OLFM3: variants seen among roughly 807,000 people sequenced by gnomAD.
OLFM3 encodes olfactomedin 3.
OLFM3 carries 20 observed loss-of-function variants against 48.6 expected under a neutral mutation model. That is an observed-to-expected ratio of 0.41 (90% CI 0.29 to 0.60). The LOEUF (loss-of-function observed/expected upper bound fraction) is 0.60, where lower values mean the gene tolerates loss of function less well. OLFM3 is among the 20% of genes least tolerant of loss of function. The pLI, the probability that OLFM3 is intolerant of heterozygous loss-of-function variation, is 0.28. For missense variants in OLFM3, 437 were observed against 544.3 expected (o/e 0.80, Z 1.96); for synonymous variants, 222 against 198.1 (o/e 1.12, Z -1.01).
chr1:101,930,554 G>T (rs938378218), intron 1 of OLFM3, among the ~76,000 whole-genome samples: 1 of 152,154 alleles, frequency 6.6e-6, no homozygotes, highest in Non-Finnish European at 1.5e-5. Flanking sequence ...ATTAATTCAT[G>T]AAGAAGTATG....
chr1:101,924,886 T>C (rs1279171293), intron 1 of OLFM3, among the ~76,000 whole-genome samples: 1 of 152,166 alleles, frequency 6.6e-6, no homozygotes, highest in Non-Finnish European at 1.5e-5. Flanking sequence ...TGAAAATTCA[T>C]AGATGAATAA....
intron 1 of OLFM3, chr1:101,882,490 C>T (rs957780629): frequency 4.6e-5 from 7 of 151,790 alleles, no homozygotes; most frequent in African/African-American, 1.7e-4. Flanking sequence ...AAACCCAACT[C>T]AGTATAGGTT....
intron 3 of OLFM3, among the ~76,000 whole-genome samples, chr1:101,829,598 C>A (rs1655045373): frequency 6.6e-6 from 1 of 152,222 alleles, no homozygotes; most frequent in African/African-American, 2.4e-5. Flanking sequence ...ATGTTCCTCA[C>A]TAGCTCCCCA....
intron 1 of OLFM3, among the ~76,000 whole-genome samples, chr1:101,842,198 G>C (rs773405104): frequency 2.4e-4 from 37 of 152,202 alleles, no homozygotes; most frequent in Non-Finnish European, 4.7e-4. Context: ...AACTATAAAA[G>C]CAAAAATAAT....
chr1:101,854,444 G>T (rs998698302), intron 1 of OLFM3, among the ~76,000 whole-genome samples: 1 of 152,030 alleles, frequency 6.6e-6, no homozygotes, highest in African/African-American at 2.4e-5. Context: ...AAGCCCGGGG[G>T]ATCCTCCGTT....
chr1:101,811,698 A>G (rs1204333430), intron 4 of OLFM3, among the ~76,000 whole-genome samples: 2 of 152,162 alleles, frequency 1.3e-5, no homozygotes, highest in Non-Finnish European at 2.9e-5. Flanking sequence ...CAGCTGCTGG[A>G]GGGGATGTGG....
chr1:101,871,285 C>T (rs145945394), intron 1 of OLFM3, among the ~76,000 whole-genome samples: 3,016 of 152,004 alleles, frequency 0.02, 110 homozygotes, highest in African/African-American at 0.068. Context: ...TAACAAAATG[C>T]GTGTTGAAAA....
At chr1:101,935,170 A>G (rs1452197161) in intron 1 of OLFM3, among the ~76,000 whole-genome samples, 1 of 152,024 alleles carries the variant, frequency 6.6e-6, no homozygotes, top group East Asian at 1.9e-4. Context: ...AATACAAGAC[A>G]TCAACGAATC....
chr1:101,838,539 G>A (rs941531795), intron 1 of OLFM3, among the ~76,000 whole-genome samples: 5 of 152,162 alleles, frequency 3.3e-5, no homozygotes, highest in African/African-American at 4.8e-5. Flanking sequence ...GTTACCACAT[G>A]TAGACTTGAA....
chr1:101,979,827 C>T (rs977792901), intron 1 of OLFM3, among the ~76,000 whole-genome samples: 1 of 152,218 alleles, frequency 6.6e-6, no homozygotes, highest in Non-Finnish European at 1.5e-5. Flanking sequence ...TTGTACTGTG[C>T]ACCTGGAAAA....
intron 2 of OLFM3, among the ~76,000 whole-genome samples, chr1:101,834,035 C>G (rs1009876524): frequency 6.6e-6 from 1 of 152,086 alleles, no homozygotes; most frequent in Admixed American, 6.6e-5. Flanking sequence ...TTTAGGTGAG[C>G]AATTTTAGTT....
chr1:101,856,427 T>C lies in OLFM3; in HGVS notation c.70-19402A>G, dbSNP rs550535727. Among the ~76,000 whole-genome samples the C allele has an allele frequency of 1.8e-4, 27 of 152,082 alleles. 1 individual carries two copies. In the South Asian group the frequency reaches 5.6e-3, roughly 32 times the overall value. ...AACACTTTTAACCTTATAAAAACTGTTTCAGGAGGACATAAGTAACTCAAT... is the reference window on the plus strand; with the variant it reads ...AACACTTTTAACCTTATAAAAACTGCTTCAGGAGGACATAAGTAACTCAAT... On this transcript the variant is annotated intron_variant, in intron 1 of 5. Coordinates refer to ENST00000370103, the MANE Select transcript of OLFM3 (RefSeq NM_058170.4).
intron 1 of OLFM3, among the ~76,000 whole-genome samples, chr1:101,987,676 A>G (rs1384946283): frequency 2.0e-5 from 3 of 152,082 alleles, no homozygotes. Context: ...CTGATTCTCT[A>G]TTTGAAGAAA....
intron 1 of OLFM3, among the ~76,000 whole-genome samples, chr1:101,900,425 G>C (rs1219410912): frequency 2.0e-5 from 3 of 152,088 alleles, no homozygotes; most frequent in East Asian, 1.9e-4. Flanking sequence ...GAAAGGGAAG[G>C]CTTCCCTGAA....
At chr1:101,970,640 T>A (rs1483786686) in intron 1 of OLFM3, among the ~76,000 whole-genome samples, 1 of 152,206 alleles carries the variant, frequency 6.6e-6, no homozygotes, top group Admixed American at 6.5e-5. Context: ...GTCTTTTAGA[T>A]CCTCACCTTC....
chr1:101,961,688 T>C (rs919237410), intron 1 of OLFM3, among the ~76,000 whole-genome samples: 1 of 152,138 alleles, frequency 6.6e-6, no homozygotes, highest in Non-Finnish European at 1.5e-5. Context: ...AGACTATGCA[T>C]TAGAAATAAG....
At chr1:101,984,086 A>G (rs1306307199) in intron 1 of OLFM3, among the ~76,000 whole-genome samples, 1 of 152,002 alleles carries the variant, frequency 6.6e-6, no homozygotes, top group African/African-American at 2.4e-5. Context: ...GCAGCTCTAC[A>G]AAAATTAGCT....
intron 4 of OLFM3, among the ~76,000 whole-genome samples, chr1:101,824,676 CAACAACAA>C (rs1030617808): frequency 9.9e-4 from 121 of 121,690 alleles, no homozygotes; most frequent in African/African-American, 3.3e-3. Flanking sequence ...ACAACAACAA[CAACAACAA>C]AAAACAGTTT....
intron 4 of OLFM3, among the ~76,000 whole-genome samples, chr1:101,819,115 G>A (rs1302760382): frequency 6.6e-6 from 1 of 152,084 alleles, no homozygotes; most frequent in Non-Finnish European, 1.5e-5. Flanking sequence ...CATGCCAGGG[G>A]ACTCCAACCA....
Sources: gnomAD v4.1 joint callset for allele counts (sites outside exome capture counted in the v4.1 genomes callset) on GRCh38, gnomAD v4.1.1 for gene constraint, MANE v1.5 for transcripts, NCBI Gene and HGNC (gene_info 2026-07-23, HGNC 2026-07-21) for gene names.